The following TRPM3 variants were observed in gnomAD, a reference collection of about 807,000 sequenced individuals.
The protein encoded by TRPM3 is long transient receptor potential channel 3.
TRPM3 carries 77 observed loss-of-function variants against 181.2 expected under a neutral mutation model. The ratio of observed to expected loss-of-function variants is 0.42; its 90% CI spans 0.35 to 0.51. The LOEUF (loss-of-function observed/expected upper bound fraction) is 0.51, where lower values mean the gene tolerates loss of function less well. Among genes scored for constraint, TRPM3 ranks in the 20% least tolerant of loss-of-function variants. The pLI, the probability that TRPM3 is intolerant of heterozygous loss-of-function variation, is 0.01. For synonymous variants in TRPM3, 745 were observed against 796.4 expected (o/e 0.94, Z 1.09); for missense variants, 1,759 against 2,196.7 (o/e 0.80, Z 3.98).
At chr9:71,018,818 A>G (rs1321252503) in intron 1 of TRPM3, among the ~76,000 whole-genome samples, 4 of 151,918 alleles carry the variant, frequency 2.6e-5, no homozygotes, top group Non-Finnish European at 5.9e-5. Flanking sequence ...TTGATACTAA[A>G]TCCTGACAAG....
intron 1 of TRPM3, among the ~76,000 whole-genome samples, chr9:71,419,774 A>G (rs1330222035): frequency 1.3e-5 from 2 of 151,932 alleles, no homozygotes; most frequent in Admixed American, 1.3e-4. Context: ...TACACTATAA[A>G]AAGGGTTCTG....
chr9:70,625,241 T>G lies in TRPM3; in HGVS notation c.1759A>C (p.Thr587Pro). 6.2e-7 allele frequency: 1 copy of G among 1,614,132 alleles called. No individual in the cohort carries two copies. The highest frequency in any genetic ancestry group is 8.5e-7 in the Non-Finnish European group (1 of 1,180,028). The part of the protein sequence containing the change: ...LMGGAYRCNY[T>P]RKRFRTLYHN... ...TAGAGGGTCCGGAAGCGCTTGCGCG[T>G]GTAGTTGCAGCGATAAGCCCCGCCC... Residue 587 changes from threonine to proline, a missense_variant, in exon 14 of 26, where the codon ACG becomes CCG. By Grantham distance (38) the Thr-to-Pro change is conservative. This residue lies in a region of TRPM3 where 737 missense variants were observed against 957.4 expected (regional missense o/e 0.77). Coordinates refer to ENST00000677713, the MANE Select transcript of TRPM3 (RefSeq NM_001366145.2). The surrounding 1 kb of genome is among the most constrained non-coding windows in gnomAD (Gnocchi z 4.8).
chr9:70,536,916 C>T lies in TRPM3; in HGVS notation c.4197G>A (p.Leu1399=). The T allele has an allele frequency of 6.2e-7, 1 of 1,614,176 alleles. No individual in the cohort carries two copies. Among genetic ancestry groups the T allele is most frequent in the African/African-American group, 1.3e-5 (1 of 75,036 alleles). Residue 1399 remains leucine (L), a synonymous_variant, in exon 26 of 26, where the codon TTG becomes TTA. Transcript: ENST00000677713. ...GTCTTCTGGAATCAGGAACAATGGC[C>T]AAGGTGTTGGCAGGGGCTGCAGGAG... ...PKAPAAPANT[L]AIVPDSRRPS...
intron 1 of TRPM3, among the ~76,000 whole-genome samples, chr9:70,921,977 A>ACACACACT (rs1290979992): frequency 1.1e-4 from 16 of 151,446 alleles, no homozygotes; most frequent in Non-Finnish European, 7.4e-5. Context: ...ACACACACAT[A>ACACACACT]TAGTTATTTT....
intron 25 of TRPM3, among the ~76,000 whole-genome samples, chr9:70,544,758 AAAG>A (rs2044415080): frequency 1.3e-5 from 2 of 152,114 alleles, no homozygotes; most frequent in East Asian, 3.9e-4. Flanking sequence ...GGGGGGAAAA[AAAG>A]AAAAATTTTA....
chr9:71,351,043 A>T (rs1388203183), intron 1 of TRPM3, among the ~76,000 whole-genome samples: 1 of 152,222 alleles, frequency 6.6e-6, no homozygotes, highest in African/African-American at 2.4e-5. Context: ...TGAAAAGGCC[A>T]AGAGTGTGAC....
At chr9:70,538,592 T>C (rs1036572064) in intron 25 of TRPM3, among the ~76,000 whole-genome samples, 2 of 152,030 alleles carry the variant, frequency 1.3e-5, no homozygotes, top group Non-Finnish European at 2.9e-5. Context: ...CCATGCTAGC[T>C]GTTTTTTAAA....
chr9:70,644,738 T>C lies in TRPM3; in HGVS notation c.1346-4078A>G, dbSNP rs572899934. On this transcript the variant is annotated intron_variant, in intron 9 of 25. Transcript: ENST00000677713. Reference sequence around the variant, plus strand: ...TCAGGCAAGAGAAAGAAATAAGGGGTATTCAAACAGGAAGAGAGGAAGTCA... The same window carrying C: ...TCAGGCAAGAGAAAGAAATAAGGGGCATTCAAACAGGAAGAGAGGAAGTCA... 9.1e-3 allele frequency among the ~76,000 whole-genome samples: 1,382 copies of C among 152,148 alleles called. 17 individuals carry two copies. Among genetic ancestry groups the C allele is most frequent in the African/African-American group, 0.032 (1,309 of 41,492 alleles).
intron 1 of TRPM3, among the ~76,000 whole-genome samples, chr9:71,421,933 G>T (rs1418122450): frequency 6.6e-6 from 1 of 151,896 alleles, no homozygotes; most frequent in South Asian, 2.1e-4. Context: ...CCCACAATTT[G>T]CCACCCCTGG....
intron 1 of TRPM3, among the ~76,000 whole-genome samples, chr9:70,934,989 G>A (rs1182507274): frequency 6.6e-6 from 1 of 152,148 alleles, no homozygotes; most frequent in African/African-American, 2.4e-5. Flanking sequence ...CAAGTTCTTA[G>A]AGAATAAAAT....
chr9:70,995,809 T>C (rs1383601882), intron 1 of TRPM3, among the ~76,000 whole-genome samples: 4 of 152,166 alleles, frequency 2.6e-5, no homozygotes, highest in Non-Finnish European at 5.9e-5. Flanking sequence ...GACCCATACA[T>C]ACAGAGTCAC....
Position 70,536,616 on chromosome 9 carries a change from G to A in TRPM3, c.4497C>T (p.Asp1499=). Residue 1499 remains aspartate, a synonymous_variant, in exon 26 of 26, where the codon GAC becomes GAT. Transcript: ENST00000677713. ...THLPECQNPW[D]SEPPMYHTIE... is the part of the protein sequence containing the mutation. Reference sequence around the variant, plus strand: ...TGGTGTGGTACATCGGAGGCTCTGAGTCCCAGGGGTTTTGGCATTCTGGGA... The same window carrying A: ...TGGTGTGGTACATCGGAGGCTCTGAATCCCAGGGGTTTTGGCATTCTGGGA... 1 of 1,614,142 alleles carries A rather than the reference G, an allele frequency of 6.2e-7. No homozygotes were observed. The highest frequency in any genetic ancestry group is 8.5e-7 in the Non-Finnish European group (1 of 1,180,020).
intron 4 of TRPM3, among the ~76,000 whole-genome samples, chr9:70,845,192 A>G (rs562875809): frequency 1.5e-4 from 23 of 151,544 alleles, no homozygotes; most frequent in Admixed American, 3.9e-4. Context: ...GTCTTACTCA[A>G]ACAGCATCCA....
chr9:70,646,332 AT>A (rs2058840647), intron 9 of TRPM3, among the ~76,000 whole-genome samples: 1 of 152,248 alleles, frequency 6.6e-6, no homozygotes, highest in Non-Finnish European at 1.5e-5. Flanking sequence ...GTGCCCATCA[AT>A]GATAGACTGG....
At chr9:71,294,933 A>AT (rs1239931208) in intron 1 of TRPM3, among the ~76,000 whole-genome samples, 1 of 152,168 alleles carries the variant, frequency 6.6e-6, no homozygotes, top group Non-Finnish European at 1.5e-5. Flanking sequence ...AACTTACATT[A>AT]TTTAGGGACA....
chr9:70,997,087 T>C (rs960049706), intron 1 of TRPM3, among the ~76,000 whole-genome samples: 4 of 152,234 alleles, frequency 2.6e-5, no homozygotes, highest in Non-Finnish European at 4.4e-5. Context: ...AGATGGACGA[T>C]ATATTTCAAT....
intron 1 of TRPM3, among the ~76,000 whole-genome samples, chr9:71,421,261 G>A (rs1167634519): frequency 2.0e-5 from 3 of 151,722 alleles, no homozygotes; most frequent in African/African-American, 7.3e-5. Context: ...TGGGTGCTAT[G>A]CTTATTACCT....
At chr9:71,422,860 G>A (rs2093802121) in intron 1 of TRPM3, among the ~76,000 whole-genome samples, 1 of 151,896 alleles carries the variant, frequency 6.6e-6, no homozygotes, top group African/African-American at 2.4e-5. Context: ...GCTCAGTGGA[G>A]ATTTAAGAAT....
intron 1 of TRPM3, among the ~76,000 whole-genome samples, chr9:71,214,839 G>A (rs2079742242): frequency 6.6e-6 from 1 of 151,758 alleles, no homozygotes; most frequent in Admixed American, 6.6e-5. Context: ...CCATCCTGTT[G>A]ACCTGGAAAC....
Sources: gnomAD v4.1 joint callset for allele counts (sites outside exome capture counted in the v4.1 genomes callset) on GRCh38, gnomAD v4.1.1 for gene constraint, gnomAD v4.1.1 regional missense constraint, Gnocchi (gnomAD v3.1) non-coding constraint, MANE v1.5 for transcripts, NCBI Gene and HGNC (gene_info 2026-07-23, HGNC 2026-07-21) for gene names.